ZNF536: variants seen among roughly 807,000 people sequenced by gnomAD.
ZNF536 encodes the protein zinc finger protein 536.
In ZNF536, 13 loss-of-function variants were observed where a neutral mutation model predicts 84.5. That is an observed-to-expected ratio of 0.15 (90% CI 0.10 to 0.24). The LOEUF is 0.24. Ranked by LOEUF, ZNF536 falls within the 10% of genes least tolerant of loss-of-function variation. ZNF536 has a pLI of 1.00. For missense variants in ZNF536, 1,536 were observed against 1,747.5 expected (o/e 0.88, Z 2.16); for synonymous variants, 811 against 742.5 (o/e 1.09, Z -1.50).
intron 1 of ZNF536, among the ~76,000 whole-genome samples, chr19:30,254,844 G>T (rs2024826363): frequency 6.6e-6 from 1 of 152,212 alleles, no homozygotes; most frequent in Admixed American, 6.5e-5. Flanking sequence ...CCGAAAGCCT[G>T]AACCTTAAAT....
At chr19:30,703,581 C>T (rs553867453) in intron 1 of ZNF536, among the ~76,000 whole-genome samples, 1 of 152,264 alleles carries the variant, frequency 6.6e-6, no homozygotes, top group South Asian at 2.1e-4. Context: ...TGCCTATGCC[C>T]CAAAGAGAGA....
intron 2 of ZNF536, among the ~76,000 whole-genome samples, chr19:30,533,718 G>C (rs769910984): frequency 6.6e-6 from 1 of 152,172 alleles, no homozygotes; most frequent in African/African-American, 2.4e-5. Flanking sequence ...TATCCCAGAA[G>C]GTTCCCTTGT....
intron 1 of ZNF536, among the ~76,000 whole-genome samples, chr19:30,406,895 G>A (rs1296557097): frequency 2.6e-5 from 4 of 152,204 alleles, no homozygotes; most frequent in Non-Finnish European, 5.9e-5. Flanking sequence ...TGTAGAAAGA[G>A]ATGCGAGCAG....
At chr19:30,710,267 G>T (rs2052410250) in intron 1 of ZNF536, among the ~76,000 whole-genome samples, 1 of 152,178 alleles carries the variant, frequency 6.6e-6, no homozygotes, top group Non-Finnish European at 1.5e-5. Flanking sequence ...CTAGAGCCTG[G>T]TGTGGTGGCT....
chr19:30,580,053 C>T (rs1337150035), intron 1 of ZNF536, among the ~76,000 whole-genome samples: 2 of 152,312 alleles, frequency 1.3e-5, no homozygotes, highest in Admixed American at 1.3e-4. Context: ...AAGCCCCTGG[C>T]CTCCCTCTCC....
rs528835393 is a variant in ZNF536 at position 30,512,085 on chromosome 19, A to T, written c.2171-22762A>T. Among the ~76,000 whole-genome samples the T allele has an allele frequency of 2.6e-5, 4 of 152,328 alleles. No homozygotes were observed. The South Asian group carries it at 8.3e-4, about 32-fold the overall frequency. On this transcript the variant is annotated intron_variant, in intron 2 of 4. Transcript: ENST00000355537. Reference sequence around the variant, plus strand: ...ATGGATATACAGACTTTTATTTTAAACTTAAAATGATGAAAAGTTTCTGAG... The same window carrying T: ...ATGGATATACAGACTTTTATTTTAATCTTAAAATGATGAAAAGTTTCTGAG...
At chr19:30,707,893 C>T (rs2052306117) in intron 1 of ZNF536, among the ~76,000 whole-genome samples, 1 of 151,852 alleles carries the variant, frequency 6.6e-6, no homozygotes. Context: ...GCCTGTAATT[C>T]CAGCTACTCG....
intron 1 of ZNF536, among the ~76,000 whole-genome samples, chr19:30,620,003 C>G (rs1179626769): frequency 1.4e-5 from 2 of 146,430 alleles, no homozygotes; most frequent in Non-Finnish European, 3.0e-5. Flanking sequence ...CCCACCATCT[C>G]CCTTTTCTTT....
chr19:30,395,125 A>G (rs548651216), intron 1 of ZNF536, among the ~76,000 whole-genome samples: 1 of 152,344 alleles, frequency 6.6e-6, no homozygotes, highest in South Asian at 2.1e-4. Flanking sequence ...ACAAAGGGAC[A>G]ATGCTTAGAT....
At chr19:30,382,013 C>A (rs1012487196) in intron 1 of ZNF536, among the ~76,000 whole-genome samples, 1 of 152,118 alleles carries the variant, frequency 6.6e-6, no homozygotes, top group Admixed American at 6.5e-5. Context: ...GCTTTCCATT[C>A]CCTGGTTTAA....
At chr19:30,429,080 G>T (rs555279419) in intron 1 of ZNF536, among the ~76,000 whole-genome samples, 1 of 152,316 alleles carries the variant, frequency 6.6e-6, no homozygotes, top group South Asian at 2.1e-4. Flanking sequence ...GTTTAAGGGG[G>T]TGGAGGAGGC....
chr19:30,306,531 AT>A (rs1265030951), intron 2 of ZNF536, among the ~76,000 whole-genome samples: 4 of 152,190 alleles, frequency 2.6e-5, no homozygotes, highest in African/African-American at 9.7e-5. Flanking sequence ...ATGTCTCTGG[AT>A]TTGCTTTTGG....
intron 3 of ZNF536, among the ~76,000 whole-genome samples, chr19:30,353,816 A>G (rs1230868707): frequency 1.3e-5 from 2 of 152,190 alleles, no homozygotes; most frequent in Non-Finnish European, 2.9e-5. Flanking sequence ...GCCTTACAAT[A>G]TTTAGCTGCT....
At chr19:30,628,977 A>G (rs904884185) in intron 1 of ZNF536, among the ~76,000 whole-genome samples, 12 of 152,182 alleles carry the variant, frequency 7.9e-5, no homozygotes, top group Admixed American at 6.5e-4. Context: ...TGCTGGAATT[A>G]TAGGCATGGG....
intron 2 of ZNF536, among the ~76,000 whole-genome samples, chr19:30,505,027 T>C (rs1858477777): frequency 6.6e-6 from 1 of 152,110 alleles, no homozygotes; most frequent in Non-Finnish European, 1.5e-5. Context: ...ACTTATGAGA[T>C]TGATAACAAT....
At chr19:30,362,391 G>T (rs1600390645) in intron 3 of ZNF536, among the ~76,000 whole-genome samples, 1 of 152,356 alleles carries the variant, frequency 6.6e-6, no homozygotes, top group East Asian at 1.9e-4. Context: ...CCTCTAGGAG[G>T]CCACTTTGCA....
chr19:30,698,429 T>A (rs1244464122), intron 1 of ZNF536, among the ~76,000 whole-genome samples: 1 of 152,234 alleles, frequency 6.6e-6, no homozygotes, highest in Non-Finnish European at 1.5e-5. Flanking sequence ...ACATTATTTT[T>A]AAATAAAGTC....
In ZNF536 at chr19:30,549,164, A is replaced by T; in HGVS notation, c.3545A>T (p.Asp1182Val). The change falls in exon 4 of 5, where the codon GAT (aspartate) becomes GTT (valine). Residue 1182 changes from aspartate (D) to valine (V), a missense_variant. Coordinates refer to ENST00000355537, the MANE Select transcript of ZNF536 (RefSeq NM_014717.3). Reference sequence around the variant, plus strand: ...AAGGGGGAGAACAACGATGAAGAGGATGTTGAAACCGAACCGGAAATGATG... The same window carrying T: ...AAGGGGGAGAACAACGATGAAGAGGTTGTTGAAACCGAACCGGAAATGATG... ...SSKGENNDEEDVETEPEMMTK... is the reference protein window; with the variant it reads ...SSKGENNDEEVVETEPEMMTK... The T allele has an allele frequency of 6.2e-7, 1 of 1,614,032 alleles. No individual in the cohort carries two copies. Among genetic ancestry groups the T allele is most frequent in the Non-Finnish European group, 8.5e-7 (1 of 1,180,046 alleles).
chr19:30,543,659 G>A (rs1447197153), intron 3 of ZNF536, among the ~76,000 whole-genome samples: 1 of 152,236 alleles, frequency 6.6e-6, no homozygotes, highest in Non-Finnish European at 1.5e-5. Context: ...CTCAGCATCT[G>A]CCTGTGCCGG....
Sources: gnomAD v4.1 joint callset for allele counts (sites outside exome capture counted in the v4.1 genomes callset) on GRCh38, gnomAD v4.1.1 for gene constraint, MANE v1.5 for transcripts, NCBI Gene and HGNC (gene_info 2026-07-23, HGNC 2026-07-21) for gene names.